Variants in AMOTL2 observed in about 807,000 individuals in gnomAD.
The protein encoded by AMOTL2 is angiomotin-like protein 2.
Under a neutral mutation model 78.4 loss-of-function variants are expected in AMOTL2, and 33 were observed. The ratio of observed to expected loss-of-function variants is 0.42; its 90% CI spans 0.32 to 0.56. The LOEUF is 0.56. Ranked by LOEUF, AMOTL2 falls within the 20% of genes least tolerant of loss-of-function variation. The probability of loss-of-function intolerance (pLI) is 0.12; values close to 1 mark genes in which losing one functional copy is unlikely to be tolerated. For missense variants in AMOTL2, 983 were observed against 1,030.1 expected (o/e 0.95, Z 0.63); for synonymous variants, 422 against 428.8 (o/e 0.98, Z 0.20).
At chr3:134,361,387 G>T in intron 6 of AMOTL2, 125 bp downstream of exon 6, 2 of 1,162,326 alleles carry the variant, frequency 1.7e-6, no homozygotes, top group Admixed American at 5.7e-5. Flanking sequence ...CAACGGGCCT[G>T]CAGCCTAGAT....
In AMOTL2 at chr3:134,374,434, G is replaced by A. The variant is rs1477014625; in HGVS notation, c.-154C>T. Reference sequence around the variant, plus strand: ...GCGGCGAAGATGTGTTCTCGGCCGTGGCGCCGACGCTCTGGCTGTTCGCGC... The same window carrying A: ...GCGGCGAAGATGTGTTCTCGGCCGTAGCGCCGACGCTCTGGCTGTTCGCGC... On this transcript the variant is annotated 5_prime_UTR_variant, in exon 1 of 10. Coordinates refer to ENST00000249883, the MANE Select transcript of AMOTL2 (RefSeq NM_016201.4). 5 of 985,402 alleles carry A rather than the reference G, an allele frequency of 5.1e-6. No individual in the cohort carries two copies. Among genetic ancestry groups the A allele is most frequent in the Non-Finnish European group, 6.0e-6 (5 of 829,970 alleles). 61.0% of individuals were successfully genotyped at this position (985,402 alleles called of 1,614,324 possible).
chr3:134,373,228 T>C (rs1024738019), intron 1 of AMOTL2, among the ~76,000 whole-genome samples: 1 of 151,984 alleles, frequency 6.6e-6, no homozygotes. Flanking sequence ...TGGGATTCAA[T>C]TCGTATGGGA....
intron 8 of AMOTL2, 23 bp downstream of exon 8, chr3:134,359,260 T>A: frequency 6.2e-7 from 1 of 1,611,850 alleles, no homozygotes; most frequent in Non-Finnish European, 8.5e-7. Flanking sequence ...TCTCAATCTA[T>A]CCCAGCAGTA....
intron 9 of AMOTL2, 104 bp from the exon 10 acceptor site, chr3:134,357,867 C>T: frequency 8.3e-7 from 1 of 1,203,408 alleles, no homozygotes. Context: ...ACCAACTTTT[C>T]CCACCTCTGC....
intron 1 of AMOTL2, 139 bp downstream of exon 1, chr3:134,374,203 C>T (rs2017996544): frequency 1.0e-6 from 1 of 979,640 alleles, no homozygotes; most frequent in Non-Finnish European, 1.2e-6. Context: ...CTCGAAAGGG[C>T]GCACTGCGCC....
chr3:134,361,347 G>A (rs1161065298), intron 6 of AMOTL2, among the ~76,000 whole-genome samples, 165 bp downstream of exon 6: 1 of 152,214 alleles, frequency 6.6e-6, no homozygotes, highest in Admixed American at 6.5e-5. Flanking sequence ...AGCAAAGGTG[G>A]AGCAGAGAGC....
intron 5 of AMOTL2, among the ~76,000 whole-genome samples, chr3:134,363,146 A>C (rs913228383): frequency 1.3e-5 from 2 of 152,190 alleles, no homozygotes; most frequent in Non-Finnish European, 2.9e-5. Context: ...CAGAAGGGTG[A>C]AGGCTTGAGA....
At chr3:134,360,457 G>A (rs1309196073) in intron 6 of AMOTL2, 44 bp from the exon 7 acceptor site, 12 of 1,551,388 alleles carry the variant, frequency 7.7e-6, no homozygotes, top group Non-Finnish European at 1.0e-5. Context: ...GTGCAGGTTG[G>A]GGTGTGGCAG....
At chr3:134,371,594 G>A (rs1322483738) in intron 1 of AMOTL2, 100 bp from the exon 2 acceptor site, 6 of 1,446,808 alleles carry the variant, frequency 4.1e-6, no homozygotes, top group Non-Finnish European at 4.5e-6. Context: ...CTGGTGGAAA[G>A]CATAAAAGTG....
intron 9 of AMOTL2, among the ~76,000 whole-genome samples, chr3:134,358,062 TG>T (rs1280068312): frequency 6.6e-6 from 1 of 152,158 alleles, no homozygotes; most frequent in African/African-American, 2.4e-5. Context: ...TTCATGCCTG[TG>T]GTTTTCTGAG....
At chr3:134,373,792 C>A (rs1419762805) in intron 1 of AMOTL2, 1 of 985,382 alleles carries the variant, frequency 1.0e-6, no homozygotes, top group Non-Finnish European at 1.2e-6. Flanking sequence ...CCTCTCGAGC[C>A]CTCTTTGTTT....
At chr3:134,363,880 G>T (rs555570403) in intron 5 of AMOTL2, among the ~76,000 whole-genome samples, 2 of 152,342 alleles carry the variant, frequency 1.3e-5, no homozygotes, top group Admixed American at 1.3e-4. Flanking sequence ...CTGCAGCCTT[G>T]TCCAACCTCT....
intron 5 of AMOTL2, among the ~76,000 whole-genome samples, chr3:134,365,418 C>A (rs536863952): frequency 5.9e-5 from 9 of 152,262 alleles, no homozygotes; most frequent in Non-Finnish European, 1.0e-4. Context: ...TCCCATTGCA[C>A]ACTCCCGACC....
chr3:134,359,287 A>T lies in AMOTL2; in HGVS notation c.2100T>A (p.Thr700=), dbSNP rs199874653. The change falls in exon 8 of 10, where the codon ACT becomes ACA. Residue 700 remains threonine, a synonymous_variant. Transcript: ENST00000249883. ...CCAGCAGTAGCCTCCTCTTACCTGTAGTCAGCCGAGCAGGGGCGTCTGCTG... is the reference window on the plus strand; with the variant it reads ...CCAGCAGTAGCCTCCTCTTACCTGTTGTCAGCCGAGCAGGGGCGTCTGCTG... ...RQTADAPARL[T]TADRAPTEEP... 6.2e-7 allele frequency: 1 copy of T among 1,614,180 alleles called. No individual in the cohort carries two copies. Among genetic ancestry groups the T allele is most frequent in the Admixed American group, 1.7e-5 (1 of 60,024 alleles).
In AMOTL2 at chr3:134,357,428, C is replaced by A; in HGVS notation, c.*277G>T. 2.3e-6 allele frequency: 1 copy of A among 438,392 alleles called. No homozygotes were observed. Among genetic ancestry groups the A allele is most frequent in the East Asian group, 3.7e-5 (1 of 27,068 alleles). 27.2% of individuals were successfully genotyped at this position (438,392 alleles called of 1,614,324 possible). A position where few individuals can be genotyped will look rare whatever the true frequency, so the allele number is the denominator to read the frequency against. Reference sequence around the variant, plus strand: ...TGTCAGTTGCTACCCCAGTAGCAGGCCTTGGGCAAGAAGTCAAGGCTGAAT... The same window carrying A: ...TGTCAGTTGCTACCCCAGTAGCAGGACTTGGGCAAGAAGTCAAGGCTGAAT... On this transcript the variant is annotated 3_prime_UTR_variant, in exon 10 of 10. Transcript: ENST00000249883.
intron 1 of AMOTL2, chr3:134,373,910 G>A (rs2017983173): frequency 2.2e-6 from 2 of 893,608 alleles, no homozygotes; most frequent in Non-Finnish European, 2.7e-6. Context: ...AAGACAAAGA[G>A]GAATTCTTGG....
At chr3:134,374,121 T>G in intron 1 of AMOTL2, 3 of 618,210 alleles carry the variant, frequency 4.9e-6, no homozygotes, top group African/African-American at 2.0e-5. Flanking sequence ...ACCCGCGCGT[T>G]TCTAGAGCCC....
chr3:134,360,625 CAG>C (rs1447135518), intron 6 of AMOTL2, among the ~76,000 whole-genome samples: 4 of 152,182 alleles, frequency 2.6e-5, no homozygotes, highest in Non-Finnish European at 5.9e-5. Flanking sequence ...AGAGACCAGA[CAG>C]ATAATCCTCC....
chr3:134,359,619 G>C lies in AMOTL2; in HGVS notation c.1884-116C>G, dbSNP rs2017256549. Reference sequence around the variant, plus strand: ...CCCCCCAACTCCCCCAACCCTGCCAGGCTGGATCCTTCTGTGCTTGTAGCA... The same window carrying C: ...CCCCCCAACTCCCCCAACCCTGCCACGCTGGATCCTTCTGTGCTTGTAGCA... On this transcript the variant is annotated intron_variant, in intron 7 of 9. Transcript: ENST00000249883. 8 of 824,568 alleles carry C rather than the reference G, an allele frequency of 9.7e-6. No homozygotes were observed. In the East Asian group the frequency reaches 2.1e-4, roughly 22 times the overall value. The allele number at this position is 824,568 out of a possible 1,614,324, so 51.1% of individuals were successfully genotyped here.
Sources: allele counts gnomAD v4.1 joint callset (sites outside exome capture counted in the v4.1 genomes callset), GRCh38; gene constraint gnomAD v4.1.1; transcripts MANE v1.5; gene names NCBI Gene and HGNC (gene_info 2026-07-23, HGNC 2026-07-21).